XIST: variants seen among roughly 807,000 people sequenced by gnomAD.
XIST encodes X inactive specific transcript.
At chrX:73,843,403 A>C (rs1380502575) in exon 1 of XIST, 2 of 558,930 alleles carry the variant, frequency 3.6e-6, no homozygotes, top group Admixed American at 4.4e-5. Flanking sequence ...TGAGATTATG[A>C]GTAGTTAACA....
exon 6 of XIST, chrX:73,825,662 G>A (rs773960301): frequency 1.6e-5 from 8 of 511,491 alleles, no homozygotes; most frequent in South Asian, 1.5e-4. Flanking sequence ...AAACAAATAT[G>A]TAACAGAAAC....
At chrX:73,851,798 G>A (rs934138536) in exon 1 of XIST, 9 of 556,638 alleles carry the variant, frequency 1.6e-5, no homozygotes, top group Non-Finnish European at 2.9e-5. Context: ...GCCCTAAGCC[G>A]AGTTATGCGG....
Position 73,849,888 on chromosome X carries a change from G to A in XIST, n.2836C>T, listed in dbSNP as rs2855088. 31 of 504,313 alleles carry A rather than the reference G, an allele frequency of 6.1e-5. No homozygotes were observed. The Middle Eastern group carries it at 1.3e-3, about 22-fold the overall frequency. The allele number at this position is 504,313 out of a possible 1,213,427, so 41.6% of individuals were successfully genotyped here. On this transcript the variant is annotated non_coding_transcript_exon_variant, in exon 1 of 6. Coordinates refer to ENST00000429829, the Ensembl canonical transcript of XIST. ...ACTGGGGCTGGGGCAGGGCTGGGGC[G>A]GGGTGGGAGTAGGGCTGGGGCTAGA... is the stretch of plus-strand genomic sequence containing the variant.
exon 1 of XIST, chrX:73,844,829 C>T: frequency 1.8e-6 from 1 of 555,681 alleles, no homozygotes; most frequent in Admixed American, 2.2e-5. Flanking sequence ...CATTATTGAC[C>T]AAGGTGCATG....
exon 6 of XIST, chrX:73,826,206 G>C (rs923369540): frequency 7.2e-6 from 4 of 557,616 alleles, no homozygotes; most frequent in African/African-American, 6.7e-5. Context: ...TCATTGGCCT[G>C]GAGCATCTCT....
exon 6 of XIST, chrX:73,825,590 G>C (rs1235644147): frequency 1.8e-5 from 9 of 514,229 alleles, no homozygotes; most frequent in Non-Finnish European, 3.1e-5. Flanking sequence ...ATGAACAGCA[G>C]GCCAAATCCA....
In XIST at chrX:73,846,109, G is replaced by A. The variant is rs373689261; in HGVS notation, n.6615C>T. The A allele has an allele frequency of 4.5e-5, 25 of 553,537 alleles. No individual in the cohort carries two copies. In the African/African-American group the frequency reaches 5.1e-4, roughly 11 times the overall value. 45.6% of individuals were successfully genotyped at this position (553,537 alleles called of 1,213,427 possible). The stretch of plus-strand genomic sequence containing the variant: ...CGGAAGGGAAAGGAAGATTGGGGGT[G>A]GAGTGTGGCAGGGGAGGCTTCCATG... On this transcript the variant is annotated non_coding_transcript_exon_variant, in exon 1 of 6. Coordinates refer to ENST00000429829, the Ensembl canonical transcript of XIST.
chrX:73,834,303 A>G (rs891905323), intron 2 of XIST, among the ~76,000 whole-genome samples: 12 of 112,905 alleles, frequency 1.1e-4, no homozygotes, highest in African/African-American at 3.9e-4. Context: ...AAAAGGGAAC[A>G]ACTATTCCAG....
rs756714415 is a variant in XIST at position 73,851,574 on chromosome X, C to T, written n.1150G>A. ...AAAATCGCCATTTTAAGCCCTGCAC[C>T]TTAGTCTTTCCTAACCTTCCATTTT... On this transcript the variant is annotated non_coding_transcript_exon_variant, in exon 1 of 6. Coordinates refer to ENST00000429829, the Ensembl canonical transcript of XIST. 5.4e-6 allele frequency: 3 copies of T among 557,424 alleles called. No homozygotes were observed. In the Admixed American group the frequency reaches 6.7e-5, roughly 12 times the overall value. The allele number at this position is 557,424 out of a possible 1,213,427, so 45.9% of individuals were successfully genotyped here.
chrX:73,852,439 G>A (rs745897957), exon 1 of XIST: 3 of 546,971 alleles, frequency 5.5e-6, no homozygotes, highest in East Asian at 3.3e-5. Flanking sequence ...AAACAGAGAT[G>A]TCAACCAAAA....
intron 2 of XIST, among the ~76,000 whole-genome samples, chrX:73,835,452 T>C (rs989055172): frequency 8.9e-6 from 1 of 112,264 alleles, no homozygotes; most frequent in Non-Finnish European, 1.9e-5. Context: ...CAACACAGCA[T>C]GTGATATTAC....
At chrX:73,849,586 A>G in exon 1 of XIST, 2 of 558,508 alleles carry the variant, frequency 3.6e-6, no homozygotes, top group South Asian at 2.2e-5. Context: ...AAAGCTCTCA[A>G]TTGACATTCC....
chrX:73,843,765 G>A (rs201506774), exon 1 of XIST: 1 of 558,286 alleles, frequency 1.8e-6, no homozygotes, highest in Non-Finnish European at 3.2e-6. Flanking sequence ...CACTAAGAAA[G>A]TAGGTAGGAT....
At chrX:73,825,961 C>G in exon 6 of XIST, 1 of 559,169 alleles carries the variant, frequency 1.8e-6, no homozygotes, top group South Asian at 2.2e-5. Flanking sequence ...GGGTATTAAA[C>G]CCAGGAGTAG....
At chrX:73,823,382 CAT>C (rs1254078017) in exon 6 of XIST, 1 of 504,136 alleles carries the variant, frequency 2.0e-6, no homozygotes, top group East Asian at 3.7e-5. Flanking sequence ...ATTTACGAAA[CAT>C]AGTACCTTGC....
chrX:73,824,557 T>C (rs761810364), exon 6 of XIST: 10 of 553,345 alleles, frequency 1.8e-5, no homozygotes, highest in Non-Finnish European at 2.9e-5. Context: ...TTGGTTTGTA[T>C]AACTACTTAT....
At chrX:73,827,490 A>T in exon 6 of XIST, 3 of 537,846 alleles carry the variant, frequency 5.6e-6, no homozygotes, top group South Asian at 4.7e-5. Flanking sequence ...ATGCTGAGGC[A>T]CGCAGGGGAG....
At position 73,844,209 on chromosome X, in the gene XIST, G is replaced by A. The variant is rs191497168; in HGVS notation, n.8515C>T. 618 of 556,909 alleles carry A rather than the reference G, an allele frequency of 1.1e-3. 3 individuals carry two copies. In the African/African-American group the frequency reaches 0.012, roughly 11 times the overall value. The allele number at this position is 556,909 out of a possible 1,213,427, so 45.9% of individuals were successfully genotyped here. A position where few individuals can be genotyped will look rare whatever the true frequency, so the allele number is the denominator to read the frequency against. ...AGGGGGTCAGCAACCCTGGTATACT[G>A]CAAATGGAGGGTGAGAAGGTAGAAC... On this transcript the variant is annotated non_coding_transcript_exon_variant, in exon 1 of 6. Coordinates refer to ENST00000429829, the Ensembl canonical transcript of XIST.
At chrX:73,838,279 C>T (rs1802466464) in intron 1 of XIST, among the ~76,000 whole-genome samples, 1 of 110,809 alleles carries the variant, frequency 9.0e-6, no homozygotes, top group African/African-American at 3.3e-5. Context: ...AGTGATGTTC[C>T]AGTCATATCC....
Sources: allele counts gnomAD v4.1 joint callset (sites outside exome capture counted in the v4.1 genomes callset), GRCh38; gene constraint gnomAD v4.1.1; transcripts MANE v1.5; gene names NCBI Gene and HGNC (gene_info 2026-07-23, HGNC 2026-07-21).